The following PDE8B variants were observed in gnomAD, a reference collection of about 807,000 sequenced individuals.
PDE8B encodes the protein high affinity cAMP-specific and IBMX-insensitive 3',5'-cyclic phosphodiesterase 8B.
A neutral mutation model predicts 101.3 loss-of-function variants in PDE8B; 26 were observed. The ratio of observed to expected loss-of-function variants is 0.26; its 90% CI spans 0.19 to 0.36. The LOEUF (loss-of-function observed/expected upper bound fraction) is 0.36. Ranked by LOEUF, PDE8B falls within the 10% of genes least tolerant of loss-of-function variation. The pLI is 1.00. For missense variants in PDE8B, 810 were observed against 1,163.1 expected, an observed-to-expected ratio of 0.70 and a Z score of 4.42; for synonymous variants, 424 against 429.3, an observed-to-expected ratio of 0.99 and a Z score of 0.15.
chr5:77,219,853 G>C (rs1005108984), intron 1 of PDE8B, among the ~76,000 whole-genome samples: 3 of 152,142 alleles, frequency 2.0e-5, no homozygotes, highest in Non-Finnish European at 2.9e-5. Context: ...TCAAAAGAAG[G>C]ATGGCCAAAT....
At chr5:77,282,611 A>G (rs192000797) in intron 1 of PDE8B, among the ~76,000 whole-genome samples, 2 of 151,956 alleles carry the variant, frequency 1.3e-5, no homozygotes, top group Admixed American at 6.6e-5. Context: ...AGAGCCTCCT[A>G]TCTGCTGCTC....
chr5:77,103,750 A>G, the PDE8B span, among the ~76,000 whole-genome samples: 3 of 152,136 alleles, frequency 2.0e-5, no homozygotes, highest in Admixed American at 2.0e-4. Flanking sequence ...CATAGCTTGG[A>G]CATCCTGCAT....
intron 1 of PDE8B, among the ~76,000 whole-genome samples, chr5:77,273,739 A>T (rs916425580): frequency 1.3e-5 from 2 of 152,230 alleles, no homozygotes; most frequent in Admixed American, 6.5e-5. Context: ...GTATATAAAA[A>T]ATAAAGTTTG....
At chr5:77,280,707 A>G (rs1400072533) in intron 1 of PDE8B, among the ~76,000 whole-genome samples, 1 of 152,196 alleles carries the variant, frequency 6.6e-6, no homozygotes, top group African/African-American at 2.4e-5. Flanking sequence ...CAGCCTGACC[A>G]ACATGGTGAA....
intron 10 of PDE8B, among the ~76,000 whole-genome samples, chr5:77,398,336 T>C (rs1791522401): frequency 7.3e-6 from 1 of 136,442 alleles, no homozygotes; most frequent in Non-Finnish European, 1.7e-5. Context: ...TTTTTTTTTT[T>C]TTTGAAATGG....
At chr5:77,212,449 A>ATT (rs78695199) in intron 1 of PDE8B, among the ~76,000 whole-genome samples, 6 of 150,274 alleles carry the variant, frequency 4.0e-5, no homozygotes, top group South Asian at 4.2e-4. Context: ...TAATGAACCT[A>ATT]TTTTTTTTTT....
intron 1 of PDE8B, among the ~76,000 whole-genome samples, chr5:77,295,097 G>A (rs1424663568): frequency 6.6e-6 from 1 of 152,060 alleles, no homozygotes; most frequent in Non-Finnish European, 1.5e-5. Context: ...TCGTTTATAA[G>A]GAAAAGAAAT....
chr5:77,091,688 A>G, the PDE8B span, among the ~76,000 whole-genome samples: 2 of 152,174 alleles, frequency 1.3e-5, no homozygotes, highest in African/African-American at 2.4e-5. Flanking sequence ...AAAAGTAACT[A>G]GTATAAACAA....
At chr5:77,168,469 G>A in the PDE8B span, among the ~76,000 whole-genome samples, 2 of 152,228 alleles carry the variant, frequency 1.3e-5, no homozygotes, top group African/African-American at 4.8e-5. Flanking sequence ...CTGTGCAGGG[G>A]CTGCTCTGCC....
chr5:77,101,467 C>A, the PDE8B span, among the ~76,000 whole-genome samples: 421 of 152,272 alleles, frequency 2.8e-3, 1 homozygote, highest in African/African-American at 9.6e-3. Context: ...TGATTCAGTT[C>A]ATCCAAAATC....
chr5:77,277,159 G>A (rs910161938), intron 1 of PDE8B, among the ~76,000 whole-genome samples: 4 of 152,154 alleles, frequency 2.6e-5, no homozygotes, highest in Non-Finnish European at 5.9e-5. Context: ...GGAGATTTTT[G>A]GAAAATTGCA....
intron 10 of PDE8B, among the ~76,000 whole-genome samples, chr5:77,378,009 TACACACACACACACACAC>T (rs3031820): frequency 5.4e-4 from 72 of 134,482 alleles, no homozygotes; most frequent in South Asian, 1.9e-3. Flanking sequence ...CCTCTCTCTC[TACACACACACACACACAC>T]ACACACACAC....
intron 1 of PDE8B, among the ~76,000 whole-genome samples, chr5:77,262,504 G>T (rs879626277): frequency 6.6e-6 from 1 of 152,226 alleles, no homozygotes; most frequent in African/African-American, 2.4e-5. Flanking sequence ...TGACAGGCCT[G>T]ATTACATACT....
At chr5:77,148,259 C>T in the PDE8B span, 3 of 152,184 alleles carry the variant, frequency 2.0e-5, no homozygotes, top group Non-Finnish European at 2.9e-5. Flanking sequence ...GCTCATATTA[C>T]ACTGTGCTTA....
intron 1 of PDE8B, among the ~76,000 whole-genome samples, chr5:77,295,306 G>T (rs1768278212): frequency 6.6e-6 from 1 of 152,164 alleles, no homozygotes; most frequent in Admixed American, 6.5e-5. Flanking sequence ...AACCCTTCTT[G>T]AGGAACCTTC....
chr5:77,371,155 A>G (rs1470173800), intron 10 of PDE8B, among the ~76,000 whole-genome samples: 1 of 152,122 alleles, frequency 6.6e-6, no homozygotes, highest in African/African-American at 2.4e-5. Context: ...TTAATATTTT[A>G]TGTTCGTTGT....
intron 1 of PDE8B, among the ~76,000 whole-genome samples, chr5:77,250,054 T>A (rs765819213): frequency 6.6e-5 from 10 of 152,184 alleles, no homozygotes; most frequent in Non-Finnish European, 1.3e-4. Context: ...AACAACGTAA[T>A]AAGACTAAGA....
intron 1 of PDE8B, among the ~76,000 whole-genome samples, chr5:77,283,637 G>T (rs975796527): frequency 1.3e-5 from 2 of 152,102 alleles, no homozygotes; most frequent in East Asian, 1.9e-4. Context: ...TGCGTTTAAG[G>T]TTCCTCCATG....
At position 77,408,900 on chromosome 5, in the gene PDE8B, A is replaced by G. The variant is rs749701219; in HGVS notation, c.1373A>G (p.Asn458Ser). ...TIEAPITKVI[N>S]IINAAQENSP... is the part of the protein sequence containing the mutation. ...CTTTCTTCACTCCGTTAGGTTATAA[A>G]TATAATCAATGCAGCCCAAGAAAAC... Residue 458 changes from asparagine (N) to serine (S), a missense_variant, in exon 14 of 22, where the codon AAT (asparagine) becomes AGT (serine). Asn to Ser is a conservative substitution (Grantham distance 46, BLOSUM62 1). Around this residue, in one of 4 missense-constraint regions of PDE8B, gnomAD observed 325 missense variants for 560.9 expected, o/e 0.58. Transcript: ENST00000264917. The G allele has an allele frequency of 6.2e-7, 1 of 1,612,834 alleles. No homozygotes were observed. Among genetic ancestry groups the G allele is most frequent in the Non-Finnish European group, 8.5e-7 (1 of 1,178,782 alleles).
Sources: gnomAD v4.1 joint callset for allele counts (sites outside exome capture counted in the v4.1 genomes callset) on GRCh38, gnomAD v4.1.1 for gene constraint, gnomAD v4.1.1 regional missense constraint, MANE v1.5 for transcripts, NCBI Gene and HGNC (gene_info 2026-07-23, HGNC 2026-07-21) for gene names.